EXOC6B: variants seen among roughly 807,000 people sequenced by gnomAD.
The protein encoded by EXOC6B is exocyst complex component 6B.
EXOC6B carries 54 observed loss-of-function variants against 113.5 expected under a neutral mutation model. That is an observed-to-expected ratio of 0.48 (90% CI 0.38 to 0.60). EXOC6B has a LOEUF of 0.60. Ranked by LOEUF, EXOC6B falls within the 20% of genes least tolerant of loss-of-function variation. The pLI is 0.00. For missense variants in EXOC6B, 797 were observed against 977.5 expected, an observed-to-expected ratio of 0.82 and a Z score of 2.46; for synonymous variants, 357 against 339.0, an observed-to-expected ratio of 1.05 and a Z score of -0.58.
At chr2:72,409,673 C>T (rs1183781349) in intron 18 of EXOC6B, among the ~76,000 whole-genome samples, 3 of 145,594 alleles carry the variant, frequency 2.1e-5, no homozygotes, top group Non-Finnish European at 4.4e-5. Context: ...ACAATGAGAA[C>T]ACGTGGACAC....
chr2:72,811,170 C>T (rs555463365), intron 1 of EXOC6B, among the ~76,000 whole-genome samples: 1 of 151,928 alleles, frequency 6.6e-6, no homozygotes, highest in Non-Finnish European at 1.5e-5. Flanking sequence ...AAAATTTAGC[C>T]AGGTGTGGTA....
chr2:72,379,882 G>T lies in EXOC6B; in HGVS notation c.1981-12C>A, dbSNP rs773989566. The T allele has an allele frequency of 6.3e-7, 1 of 1,595,932 alleles. No homozygotes were observed. The highest frequency in any genetic ancestry group is 1.7e-5 in the Admixed American group (1 of 58,138). On this transcript the variant is annotated splice_polypyrimidine_tract_variant and intron_variant, in intron 18 of 21. Transcript: ENST00000272427. ...TGGGCCACCTTTCCCTGAAACACAA[G>T]AGTGTAAATCATAAAGTTAATGCAT... is the stretch of plus-strand genomic sequence containing the variant.
chr2:72,423,154 C>T (rs546371708), intron 18 of EXOC6B, among the ~76,000 whole-genome samples: 12 of 151,018 alleles, frequency 7.9e-5, no homozygotes, highest in Non-Finnish European at 1.6e-4. Context: ...CCGGGAGGAA[C>T]GAACAACTCC....
At chr2:72,257,635 C>T (rs951738806) in intron 20 of EXOC6B, among the ~76,000 whole-genome samples, 1 of 152,162 alleles carries the variant, frequency 6.6e-6, no homozygotes, top group African/African-American at 2.4e-5. Context: ...ACCAGAATAT[C>T]CTTATGGAGA....
chr2:72,421,851 G>GGCTGCGT (rs1694887875), intron 18 of EXOC6B, among the ~76,000 whole-genome samples: 1 of 152,202 alleles, frequency 6.6e-6, no homozygotes, highest in South Asian at 2.1e-4. Flanking sequence ...CGGGAACCGG[G>GGCTGCGT]GCTGCGTGCA....
intron 20 of EXOC6B, among the ~76,000 whole-genome samples, chr2:72,315,811 T>C (rs1687482785): frequency 1.3e-5 from 2 of 152,122 alleles, no homozygotes; most frequent in Non-Finnish European, 2.9e-5. Context: ...ATCGGGAACT[T>C]ACCTTTAGGA....
At chr2:72,645,011 G>T (rs1022239959) in intron 6 of EXOC6B, among the ~76,000 whole-genome samples, 2 of 152,090 alleles carry the variant, frequency 1.3e-5, no homozygotes, top group Non-Finnish European at 2.9e-5. Context: ...ATAGAGTCAA[G>T]ATCCATCAGT....
rs138412392 is a variant in EXOC6B, at chr2:72,418,381, G to A, written c.1981-38511C>T. Among the ~76,000 whole-genome samples the A allele has an allele frequency of 1.6e-3, 247 of 152,120 alleles. 2 individuals are homozygous for A. The highest frequency in any genetic ancestry group is 5.2e-3 in the African/African-American group (214 of 41,480). On this transcript the variant is annotated intron_variant, in intron 18 of 21. Transcript: ENST00000272427. ...GCAACCACCATTCTGCTTTCTGCAG[G>A]GTTGTTCTATCCAGTATTGAGAGGA...
In EXOC6B at chr2:72,513,143, G is replaced by A. The variant is rs199672443; in HGVS notation, c.1156C>T (p.Arg386Cys). ...GGCTTCTTACATACCGAGTGGGTACGGAGTGCTGCGATGGTTTTTGAAAGT... is the reference window on the plus strand; with the variant it reads ...GGCTTCTTACATACCGAGTGGGTACAGAGTGCTGCGATGGTTTTTGAAAGT... ...MALSKTIAAL[R>C]THSSYCSDPN... Residue 386 changes from arginine (R) to cysteine (C), a missense_variant, in exon 11 of 22, where the codon CGT becomes TGT. By Grantham distance (180) the Arg-to-Cys change is radical. Transcript: ENST00000272427. 5.6e-6 allele frequency: 9 copies of A among 1,612,964 alleles called. No individual in the cohort carries two copies. The highest frequency in any genetic ancestry group is 2.2e-5 in the East Asian group (1 of 44,858).
rs138315717 is a variant in EXOC6B at position 72,316,284 on chromosome 2, T to C, written c.2196+18663A>G. Among the ~76,000 whole-genome samples, 66 of 152,324 alleles carry C rather than the reference T, an allele frequency of 4.3e-4. 1 individual carries two copies. The East Asian group carries it at 0.012, about 29-fold the overall frequency. ...TCTCCTGTTGAAGCAGTAAGAGTGA[T>C]TTATCAGATGAGGAGTTATGTTCCT... On this transcript the variant is annotated intron_variant, in intron 20 of 21. Coordinates refer to ENST00000272427, the MANE Select transcript of EXOC6B (RefSeq NM_015189.3).
intron 6 of EXOC6B, among the ~76,000 whole-genome samples, chr2:72,716,131 T>C (rs1241560690): frequency 6.6e-6 from 1 of 152,210 alleles, no homozygotes; most frequent in Non-Finnish European, 1.5e-5. Flanking sequence ...AGAAGTAATG[T>C]GTGGCATCCA....
At chr2:72,362,121 A>C (rs954279450) in intron 19 of EXOC6B, among the ~76,000 whole-genome samples, 16 of 152,316 alleles carry the variant, frequency 1.1e-4, no homozygotes, top group African/African-American at 3.8e-4. Context: ...TTTCAAAAGA[A>C]TTAAACCAAA....
intron 18 of EXOC6B, among the ~76,000 whole-genome samples, chr2:72,381,154 A>T (rs1691656054): frequency 6.6e-6 from 1 of 152,196 alleles, no homozygotes; most frequent in Non-Finnish European, 1.5e-5. Context: ...TATAACCAGA[A>T]ACAATATGCT....
At chr2:72,665,784 G>A (rs951380401) in intron 6 of EXOC6B, among the ~76,000 whole-genome samples, 2 of 152,084 alleles carry the variant, frequency 1.3e-5, no homozygotes, top group Non-Finnish European at 2.9e-5. Flanking sequence ...AAGGAACTAC[G>A]CAATCAAATC....
intron 6 of EXOC6B, among the ~76,000 whole-genome samples, chr2:72,663,602 G>C (rs575927836): frequency 3.9e-5 from 6 of 152,058 alleles, no homozygotes; most frequent in African/African-American, 1.4e-4. Flanking sequence ...TGCTTACAAA[G>C]AAATTTAAAG....
At chr2:72,766,928 G>T (rs1683098086) in intron 1 of EXOC6B, among the ~76,000 whole-genome samples, 3 of 148,286 alleles carry the variant, frequency 2.0e-5, no homozygotes, top group Non-Finnish European at 4.5e-5. Context: ...CTCCAGCTTG[G>T]GTGACAGAGT....
intron 7 of EXOC6B, among the ~76,000 whole-genome samples, chr2:72,566,454 A>C (rs1704185417): frequency 6.6e-6 from 1 of 152,076 alleles, no homozygotes; most frequent in African/African-American, 2.4e-5. Flanking sequence ...GGGTGTTTCT[A>C]GTTTTGGTAC....
chr2:72,762,861 T>G (rs561850180), intron 1 of EXOC6B, among the ~76,000 whole-genome samples: 1 of 151,786 alleles, frequency 6.6e-6, no homozygotes, highest in African/African-American at 2.4e-5. Flanking sequence ...TCAAAACACA[T>G]GTAGAAGTAA....
chr2:72,178,530 A>T lies in EXOC6B; in HGVS notation c.*805T>A, dbSNP rs1677876195. 6.6e-6 allele frequency: 1 copy of T among 152,208 alleles called. No individual in the cohort carries two copies. Among genetic ancestry groups the T allele is most frequent in the Admixed American group, 6.5e-5 (1 of 15,280 alleles). The allele number at this position is 152,208 out of a possible 1,614,324, so 9.4% of individuals were successfully genotyped here. On this transcript the variant is annotated 3_prime_UTR_variant, in exon 22 of 22. Transcript: ENST00000272427. ...TCTGACTGTAAGTGAAGGAAATGAGATGAACAGGGAAGGGATTGGGTCTCT... is the reference window on the plus strand; with the variant it reads ...TCTGACTGTAAGTGAAGGAAATGAGTTGAACAGGGAAGGGATTGGGTCTCT...
Sources: gnomAD v4.1 joint callset for allele counts (sites outside exome capture counted in the v4.1 genomes callset) on GRCh38, gnomAD v4.1.1 for gene constraint, MANE v1.5 for transcripts, NCBI Gene and HGNC (gene_info 2026-07-23, HGNC 2026-07-21) for gene names.